Variants in RAD51B observed in about 807,000 individuals in gnomAD.
RAD51B encodes the protein RAD51 paralog B, also known as DNA repair protein RAD51 homolog 2.
A neutral mutation model predicts 42.2 loss-of-function variants in RAD51B; 38 were observed. The observed-to-expected ratio is 0.90, with a 90% CI of 0.70 to 1.18. RAD51B has a LOEUF of 1.18. RAD51B is among the 50% of genes most tolerant of loss of function. The pLI is 0.00. For synonymous variants in RAD51B, 154 were observed against 145.2 expected (o/e 1.06, Z -0.43); for missense variants, 373 against 400.7 (o/e 0.93, Z 0.59).
At chr14:68,342,326 T>G (rs933637828) in intron 8 of RAD51B, among the ~76,000 whole-genome samples, 1 of 152,216 alleles carries the variant, frequency 6.6e-6, no homozygotes, top group Non-Finnish European at 1.5e-5. Context: ...GGGGAAAGTC[T>G]TTGTTCTCTA....
chr14:68,455,418 T>A (rs1228159542), intron 9 of RAD51B, among the ~76,000 whole-genome samples: 1 of 151,974 alleles, frequency 6.6e-6, no homozygotes, highest in Non-Finnish European at 1.5e-5. Context: ...CAAATCAGTA[T>A]GAAAAAGTAA....
chr14:68,322,252 G>A (rs1239943298), intron 8 of RAD51B, among the ~76,000 whole-genome samples: 7 of 152,132 alleles, frequency 4.6e-5, no homozygotes, highest in Non-Finnish European at 8.8e-5. Context: ...AAATCTGACT[G>A]GCAGTTTGAA....
At chr14:67,971,490 C>T (rs1183043710) in intron 7 of RAD51B, among the ~76,000 whole-genome samples, 1 of 152,026 alleles carries the variant, frequency 6.6e-6, no homozygotes, top group Non-Finnish European at 1.5e-5. Context: ...TCCTTTCCTT[C>T]TCTGCAAAGG....
intron 7 of RAD51B, among the ~76,000 whole-genome samples, chr14:68,041,219 T>A (rs1204056339): frequency 1.3e-5 from 2 of 152,222 alleles, no homozygotes; most frequent in African/African-American, 4.8e-5. Flanking sequence ...GCCACAGTTG[T>A]AAGTTTCCTG....
intron 7 of RAD51B, among the ~76,000 whole-genome samples, chr14:67,978,977 T>TC (rs1003852789): frequency 6.6e-6 from 1 of 152,110 alleles, no homozygotes; most frequent in African/African-American, 2.4e-5. Context: ...AATTGTTCCT[T>TC]CCCCCCACCA....
chr14:68,156,500 T>TCTCTC (rs1349909040), intron 7 of RAD51B, among the ~76,000 whole-genome samples: 1 of 150,362 alleles, frequency 6.7e-6, no homozygotes, highest in East Asian at 2.0e-4. Context: ...TCTCTCTGCC[T>TCTCTC]TTATGAAACT....
intron 10 of RAD51B, among the ~76,000 whole-genome samples, chr14:68,617,327 A>G (rs746863211): frequency 1.3e-5 from 2 of 152,220 alleles, no homozygotes; most frequent in Non-Finnish European, 2.9e-5. Flanking sequence ...CAGTCTTACT[A>G]TCTGCATATG....
chr14:68,041,614 C>T (rs1448731441), intron 7 of RAD51B, among the ~76,000 whole-genome samples: 1 of 151,128 alleles, frequency 6.6e-6, no homozygotes, highest in Admixed American at 6.6e-5. Context: ...AGGTCAAGTT[C>T]TTGCCCCTTC....
Position 68,304,253 on chromosome 14 carries a change from A to AT in RAD51B, c.853+12275dup, listed in dbSNP as rs1813291764. On this transcript the variant is annotated intron_variant, in intron 8 of 10. Coordinates refer to ENST00000471583, the MANE Select transcript of RAD51B (RefSeq NM_133510.4). ...ATTGCAATAATAATATTGAGTGCCT[A>AT]TTATGCGTCAGGCACTATACTAAGC... 3.3e-5 allele frequency among the ~76,000 whole-genome samples: 5 copies of AT among 152,344 alleles called. No homozygotes were observed. In the South Asian group the frequency reaches 1.0e-3, roughly 32 times the overall value.
At chr14:68,274,486 C>T (rs1041701148) in intron 7 of RAD51B, among the ~76,000 whole-genome samples, 19 of 152,264 alleles carry the variant, frequency 1.2e-4, no homozygotes, top group African/African-American at 4.3e-4. Flanking sequence ...TAATATCATC[C>T]AATACCCAGC....
At chr14:68,170,843 A>G (rs1034181244) in intron 7 of RAD51B, among the ~76,000 whole-genome samples, 3 of 152,254 alleles carry the variant, frequency 2.0e-5, no homozygotes, top group African/African-American at 7.2e-5. Flanking sequence ...AAGGCTATAC[A>G]ACTTTTTATT....
intron 7 of RAD51B, among the ~76,000 whole-genome samples, chr14:67,901,859 C>A (rs895466722): frequency 6.6e-6 from 1 of 151,956 alleles, no homozygotes; most frequent in Non-Finnish European, 1.5e-5. Flanking sequence ...ATAATGTGTA[C>A]CCATGGATGT....
chr14:68,500,533 C>G (rs1884846172), intron 10 of RAD51B, among the ~76,000 whole-genome samples: 1 of 152,234 alleles, frequency 6.6e-6, no homozygotes, highest in African/African-American at 2.4e-5. Context: ...ATGTATTTTA[C>G]TAGCAGCACT....
chr14:68,669,114 C>T (rs551186652), intron 11 of RAD51B, among the ~76,000 whole-genome samples: 8 of 152,308 alleles, frequency 5.3e-5, no homozygotes, highest in East Asian at 1.9e-4. Context: ...AGGCCTGCCA[C>T]GTGGCATGAC....
At chr14:68,027,377 C>G (rs1205755951) in intron 7 of RAD51B, among the ~76,000 whole-genome samples, 1 of 152,062 alleles carries the variant, frequency 6.6e-6, no homozygotes, top group Non-Finnish European at 1.5e-5. Flanking sequence ...CTTGAATTTA[C>G]ATGTCAACGT....
In RAD51B at chr14:67,937,111, GT is replaced by G. The variant is rs551708934; in HGVS notation, c.756+49908del. 8.9e-4 allele frequency among the ~76,000 whole-genome samples: 135 copies of G among 152,248 alleles called. 1 individual carries two copies. The highest frequency in any genetic ancestry group is 3.2e-3 in the African/African-American group (133 of 41,532). On this transcript the variant is annotated intron_variant, in intron 7 of 10. Coordinates refer to ENST00000471583, the MANE Select transcript of RAD51B (RefSeq NM_133510.4). The stretch of plus-strand genomic sequence containing the variant: ...AATATTTATAGCATAATGAAATAAA[GT>G]AGTTTAGAAGGATTTGCAGTAGGGT...
chr14:68,251,578 G>A (rs1361726962), intron 7 of RAD51B, among the ~76,000 whole-genome samples: 4 of 152,194 alleles, frequency 2.6e-5, no homozygotes, highest in Non-Finnish European at 4.4e-5. Flanking sequence ...ATGAGCTTTA[G>A]TCTGAAGCAT....
chr14:68,389,669 T>C (rs2083692058), intron 8 of RAD51B, among the ~76,000 whole-genome samples: 1 of 152,258 alleles, frequency 6.6e-6, no homozygotes, highest in African/African-American at 2.4e-5. Flanking sequence ...ATGTTGGTCG[T>C]TGTAATGAGG....
chr14:68,260,312 T>TGGGGGGG, intron 7 of RAD51B, among the ~76,000 whole-genome samples: 1 of 126,504 alleles, frequency 7.9e-6, no homozygotes, highest in East Asian at 2.0e-4. Context: ...TGTGTGTGTG[T>TGGGGGGG]GTGTGTGGAG....
Sources: allele counts gnomAD v4.1 joint callset (sites outside exome capture counted in the v4.1 genomes callset), GRCh38; gene constraint gnomAD v4.1.1; transcripts MANE v1.5; gene names NCBI Gene and HGNC (gene_info 2026-07-23, HGNC 2026-07-21).